Variants in RBPMS observed in about 807,000 individuals in gnomAD.
RBPMS encodes the protein RNA binding protein, mRNA processing factor, also known as RNA-binding protein with multiple splicing.
A neutral mutation model predicts 26.8 loss-of-function variants in RBPMS; 7 were observed. The ratio of observed to expected loss-of-function variants is 0.26; its 90% confidence interval spans 0.15 to 0.49. The LOEUF is 0.49. RBPMS is among the 20% of genes least tolerant of loss of function. The pLI, the probability that RBPMS is intolerant of heterozygous loss-of-function variation, is 0.98. For synonymous variants in RBPMS, 96 were observed against 93.3 expected (o/e 1.03, Z -0.17); for missense variants, 186 against 250.0 (o/e 0.74, Z 1.73).
At chr8:30,448,389 T>C (rs1180770281) in intron 1 of RBPMS, among the ~76,000 whole-genome samples, 1 of 152,210 alleles carries the variant, frequency 6.6e-6, no homozygotes, top group Non-Finnish European at 1.5e-5. Flanking sequence ...TGTGTTCTTA[T>C]TGCTCTTCCT....
intron 5 of RBPMS, among the ~76,000 whole-genome samples, chr8:30,507,843 C>A (rs1821222515): frequency 6.6e-6 from 1 of 152,076 alleles, no homozygotes; most frequent in South Asian, 2.1e-4. Flanking sequence ...TGCTGTGTGC[C>A]AGATCCTCTC....
At chr8:30,531,842 G>C (rs1824254658) in intron 5 of RBPMS, among the ~76,000 whole-genome samples, 1 of 152,162 alleles carries the variant, frequency 6.6e-6, no homozygotes, top group Non-Finnish European at 1.5e-5. Context: ...GCTATTCAGG[G>C]GACTGAGGTA....
rs953802083 is a variant in RBPMS, at chr8:30,421,232, C to T, written c.66+36074C>T. On this transcript the variant is annotated intron_variant, in intron 1 of 8. Transcript: ENST00000397323. ...GCTGCAGAACCTTCTGGTTAGCAAA[C>T]CTGATAGCATCTAGGGTGGAGCTAA... Among the ~76,000 whole-genome samples the T allele has an allele frequency of 4.6e-5, 7 of 151,950 alleles. No individual in the cohort carries two copies. In the East Asian group the frequency reaches 1.2e-3, roughly 25 times the overall value.
intron 4 of RBPMS, among the ~76,000 whole-genome samples, chr8:30,495,953 A>C (rs1254472539): frequency 6.6e-6 from 1 of 152,196 alleles, no homozygotes; most frequent in Non-Finnish European, 1.5e-5. Context: ...TTGGATTGTG[A>C]TATGGATTCT....
At chr8:30,557,505 G>A (rs2151080758) in intron 6 of RBPMS, among the ~76,000 whole-genome samples, 2 of 152,328 alleles carry the variant, frequency 1.3e-5, no homozygotes, top group Middle Eastern at 3.4e-3. Flanking sequence ...ACAAGGAGAT[G>A]AGGCAGGAGC....
intron 5 of RBPMS, among the ~76,000 whole-genome samples, chr8:30,512,421 T>C (rs2150959965): frequency 6.6e-6 from 1 of 152,316 alleles, no homozygotes; most frequent in Middle Eastern, 3.4e-3. Flanking sequence ...CGTGGACCCC[T>C]TTCCATCCAG....
intron 1 of RBPMS, among the ~76,000 whole-genome samples, chr8:30,471,712 C>T (rs1375972683): frequency 2.0e-5 from 3 of 152,216 alleles, no homozygotes; most frequent in East Asian, 3.9e-4. Flanking sequence ...AGGAGAGTTG[C>T]GGGTGACAGG....
chr8:30,525,699 CG>C (rs1445271588), intron 5 of RBPMS, among the ~76,000 whole-genome samples: 2 of 152,184 alleles, frequency 1.3e-5, no homozygotes, highest in Non-Finnish European at 2.9e-5. Flanking sequence ...AAGCTGCTTG[CG>C]GGGGAACGTA....
intron 5 of RBPMS, among the ~76,000 whole-genome samples, chr8:30,521,300 T>G (rs1383553943): frequency 6.6e-6 from 1 of 152,170 alleles, no homozygotes; most frequent in African/African-American, 2.4e-5. Context: ...AATAAGCCCT[T>G]TAGTTGTTTC....
intron 5 of RBPMS, among the ~76,000 whole-genome samples, chr8:30,517,296 C>T (rs912783026): frequency 1.3e-5 from 2 of 150,730 alleles, no homozygotes; most frequent in Non-Finnish European, 2.9e-5. Flanking sequence ...AAATGATGGT[C>T]GCTTAGAGAG....
intron 1 of RBPMS, among the ~76,000 whole-genome samples, chr8:30,457,583 CT>C (rs77253053): frequency 4.7e-3 from 621 of 132,410 alleles, no homozygotes; most frequent in African/African-American, 9.3e-3. Flanking sequence ...GATTTACATT[CT>C]TTTTTTTTTT....
chr8:30,481,546 CTT>C (rs541133965), intron 4 of RBPMS, among the ~76,000 whole-genome samples: 2 of 146,540 alleles, frequency 1.4e-5, no homozygotes, highest in Admixed American at 6.9e-5. Flanking sequence ...GCTCTCCATT[CTT>C]TTTTTTTTTC....
chr8:30,434,635 C>T (rs1812255763), intron 1 of RBPMS, among the ~76,000 whole-genome samples: 2 of 150,044 alleles, frequency 1.3e-5, no homozygotes, highest in South Asian at 2.1e-4. Flanking sequence ...ACCGGGATGG[C>T]GGCCACTGCT....
intron 1 of RBPMS, among the ~76,000 whole-genome samples, chr8:30,423,477 T>G (rs1024421387): frequency 1.2e-4 from 19 of 152,304 alleles, no homozygotes; most frequent in African/African-American, 4.1e-4. Flanking sequence ...GTTAGGCCTG[T>G]GCTTGTTCTC....
At chr8:30,444,272 G>T (rs1813476482) in intron 1 of RBPMS, among the ~76,000 whole-genome samples, 1 of 152,206 alleles carries the variant, frequency 6.6e-6, no homozygotes, top group African/African-American at 2.4e-5. Flanking sequence ...GTAGCACATA[G>T]TAACTAAGCA....
intron 1 of RBPMS, among the ~76,000 whole-genome samples, chr8:30,438,739 CTATA>C (rs1360625878): frequency 6.6e-6 from 1 of 152,008 alleles, no homozygotes; most frequent in African/African-American, 2.4e-5. Flanking sequence ...CGCATCGTAT[CTATA>C]TAGAGAGATA....
chr8:30,416,433 GC>G (rs375225919), intron 1 of RBPMS, among the ~76,000 whole-genome samples: 1 of 151,950 alleles, frequency 6.6e-6, no homozygotes, highest in African/African-American at 2.4e-5. Context: ...CCGGGTTCAA[GC>G]CATTATTATG....
At chr8:30,514,680 C>CTTTGTTTTTTTTT (rs1822105007) in intron 5 of RBPMS, among the ~76,000 whole-genome samples, 1 of 82,650 alleles carries the variant, frequency 1.2e-5, no homozygotes, top group African/African-American at 5.3e-5. Context: ...CCATGCCGGG[C>CTTTGTTTTTTTTT]TTTTTTTTTT....
At chr8:30,535,669 C>T (rs1824716738) in intron 5 of RBPMS, among the ~76,000 whole-genome samples, 1 of 152,172 alleles carries the variant, frequency 6.6e-6, no homozygotes, top group Non-Finnish European at 1.5e-5. Context: ...TTCAGGTGAT[C>T]CTCCCACCTC....
Sources: gnomAD v4.1 joint callset for allele counts (sites outside exome capture counted in the v4.1 genomes callset) on GRCh38, gnomAD v4.1.1 for gene constraint, MANE v1.5 for transcripts, NCBI Gene and HGNC (gene_info 2026-07-23, HGNC 2026-07-21) for gene names.